The following EDIL3 variants were observed in gnomAD, a reference collection of about 807,000 sequenced individuals.
EDIL3 encodes the protein EGF-like repeat and discoidin I-like domain-containing protein 3.
Under a neutral mutation model 67.4 loss-of-function variants are expected in EDIL3, and 37 were observed. The ratio of observed to expected loss-of-function variants is 0.55; its 90% CI spans 0.42 to 0.72. EDIL3 has a LOEUF of 0.72. EDIL3 is among the 30% of genes least tolerant of loss of function. The probability of loss-of-function intolerance (pLI) is 0.00; values close to 1 mark genes in which losing one functional copy is unlikely to be tolerated. For missense variants in EDIL3, 527 were observed against 586.3 expected (o/e 0.90, Z 1.04); for synonymous variants, 195 against 196.3 (o/e 0.99, Z 0.05).
chr5:84,005,174 T>C (rs1745390801), intron 9 of EDIL3, among the ~76,000 whole-genome samples: 1 of 152,080 alleles, frequency 6.6e-6, no homozygotes, highest in South Asian at 2.1e-4. Flanking sequence ...AGTTTTGAAA[T>C]TGAATCAGTA....
intron 9 of EDIL3, among the ~76,000 whole-genome samples, chr5:84,037,574 T>C (rs958490254): frequency 6.6e-6 from 1 of 152,216 alleles, no homozygotes; most frequent in African/African-American, 2.4e-5. Context: ...GATTTCAGTA[T>C]ATTTTTTAAA....
At chr5:84,054,031 C>T (rs1746395243) in intron 9 of EDIL3, among the ~76,000 whole-genome samples, 2 of 152,078 alleles carry the variant, frequency 1.3e-5, no homozygotes, top group African/African-American at 4.8e-5. Context: ...ACCAATATCC[C>T]TGATGAACAT....
intron 3 of EDIL3, among the ~76,000 whole-genome samples, chr5:84,206,686 AG>A (rs1287205473): frequency 6.6e-6 from 1 of 152,116 alleles, no homozygotes; most frequent in Non-Finnish European, 1.5e-5. Flanking sequence ...CACATCAAAA[AG>A]TTTATCCACC....
At chr5:84,085,397 T>C (rs532836112) in intron 6 of EDIL3, among the ~76,000 whole-genome samples, 4 of 152,298 alleles carry the variant, frequency 2.6e-5, no homozygotes, top group African/African-American at 9.6e-5. Flanking sequence ...TTGTTGTTGT[T>C]GTTTTCTGTT....
intron 1 of EDIL3, among the ~76,000 whole-genome samples, chr5:84,336,255 C>G (rs558314336): frequency 1.1e-4 from 16 of 152,214 alleles, no homozygotes; most frequent in African/African-American, 2.2e-4. Flanking sequence ...TGCGTGTATT[C>G]AAGTCTACAT....
chr5:84,205,249 T>C (rs949475671), intron 3 of EDIL3, among the ~76,000 whole-genome samples: 3 of 152,068 alleles, frequency 2.0e-5, no homozygotes, highest in Admixed American at 1.3e-4. Context: ...AACATATATA[T>C]ATATACCTAT....
chr5:84,024,051 T>C lies in EDIL3; in HGVS notation c.1137+36249A>G, dbSNP rs113377224. 1.1e-3 allele frequency among the ~76,000 whole-genome samples: 161 copies of C among 152,254 alleles called. 1 individual carries two copies. The highest frequency in any genetic ancestry group is 3.7e-3 in the African/African-American group (154 of 41,568). ...GGACTGTAACTCAATTTCTAGGATT[T>C]AGAGATTATTTCAGCACAGATTAGC... On this transcript the variant is annotated intron_variant, in intron 9 of 10. Coordinates refer to ENST00000296591, the MANE Select transcript of EDIL3 (RefSeq NM_005711.5).
At chr5:84,257,381 G>A (rs1745140702) in intron 1 of EDIL3, among the ~76,000 whole-genome samples, 1 of 152,210 alleles carries the variant, frequency 6.6e-6, no homozygotes, top group Non-Finnish European at 1.5e-5. Context: ...TCTTCTCCTT[G>A]TAATTTTTGT....
intron 3 of EDIL3, among the ~76,000 whole-genome samples, chr5:84,200,534 T>C (rs1378626656): frequency 6.6e-6 from 1 of 152,068 alleles, no homozygotes; most frequent in Non-Finnish European, 1.5e-5. Flanking sequence ...ATTACATATC[T>C]TAAGTGATAA....
At position 83,963,366 on chromosome 5, in the gene EDIL3, A is replaced by G. The variant is rs1322029366; in HGVS notation, c.1138-6T>C. 18 of 1,590,024 alleles carry G rather than the reference A, an allele frequency of 1.1e-5. No homozygotes were observed. Among genetic ancestry groups the G allele is most frequent in the Middle Eastern group, 1.7e-4 (1 of 5,854 alleles). ...GTTGGAACAAGAAGATCCACCTTAA[A>G]AAAAAGAAAAATACAGGCTTTAAAT... On this transcript the variant is annotated splice_polypyrimidine_tract_variant and splice_region_variant and intron_variant, in intron 9 of 10. Transcript: ENST00000296591.
At chr5:84,030,685 A>G (rs538159577) in intron 9 of EDIL3, among the ~76,000 whole-genome samples, 5 of 152,264 alleles carry the variant, frequency 3.3e-5, no homozygotes, top group African/African-American at 1.2e-4. Flanking sequence ...TCTGAATTCT[A>G]TAATAGCAGA....
At chr5:84,358,424 T>C (rs963761028) in intron 1 of EDIL3, among the ~76,000 whole-genome samples, 1 of 152,076 alleles carries the variant, frequency 6.6e-6, no homozygotes, top group Non-Finnish European at 1.5e-5. Context: ...TGCCACGATA[T>C]ATTGAAGAAC....
Position 84,262,659 on chromosome 5 carries a change from G to GTTTTTTTTTTTTTTTTTTTTT in EDIL3, c.68-8468_68-8448dup, listed in dbSNP as rs773035274. On this transcript the variant is annotated intron_variant, in intron 1 of 10. Transcript: ENST00000296591. Reference sequence around the variant, plus strand: ...AAACTACAATTCCCAAGGTTGGTTGGTTTTTTTTTTTTTTTTTTTTTTTTT... The same window carrying GTTTTTTTTTTTTTTTTTTTTT: ...AAACTACAATTCCCAAGGTTGGTTGGTTTTTTTTTTTTTTTTTTTTTTTTTTTTTTTTTTTTTTTTTTTTTT... Among the ~76,000 whole-genome samples, 100 of 46,318 alleles carry GTTTTTTTTTTTTTTTTTTTTT rather than the reference G, an allele frequency of 2.2e-3. 29 individuals are homozygous for GTTTTTTTTTTTTTTTTTTTTT. The highest frequency in any genetic ancestry group is 3.7e-3 in the African/African-American group (42 of 11,474). The allele number at this position is 46,318 out of a possible 152,430, so 30.4% of individuals were successfully genotyped here.
rs143978596 is a variant in EDIL3, at chr5:84,122,207, G to A, written c.469+15034C>T. Among the ~76,000 whole-genome samples, 15 of 151,986 alleles carry A rather than the reference G, an allele frequency of 9.9e-5. No individual in the cohort carries two copies. The East Asian group carries it at 2.9e-3, about 29-fold the overall frequency. On this transcript the variant is annotated intron_variant, in intron 5 of 10. Transcript: ENST00000296591. Reference sequence around the variant, plus strand: ...GTTGATTCCCTTGTTTAGGTGGACTGTCCATAACTCTTTCCTGCTCCCCTT... The same window carrying A: ...GTTGATTCCCTTGTTTAGGTGGACTATCCATAACTCTTTCCTGCTCCCCTT...
chr5:84,207,058 G>A (rs1259654603), intron 3 of EDIL3, among the ~76,000 whole-genome samples: 3 of 152,126 alleles, frequency 2.0e-5, no homozygotes, highest in Non-Finnish European at 2.9e-5. Flanking sequence ...CAATTAGGCA[G>A]GAGAAGGAAA....
At chr5:83,981,622 C>CT (rs1561392863) in intron 9 of EDIL3, among the ~76,000 whole-genome samples, 2 of 151,862 alleles carry the variant, frequency 1.3e-5, no homozygotes, top group Non-Finnish European at 2.9e-5. Context: ...ACACTAAATC[C>CT]GTGAATGCAA....
intron 8 of EDIL3, among the ~76,000 whole-genome samples, chr5:84,064,493 A>T (rs1746598526): frequency 6.6e-6 from 1 of 152,176 alleles, no homozygotes. Flanking sequence ...TACTCTTTCT[A>T]CATTAATTCT....
At chr5:84,352,940 C>A (rs1747392528) in intron 1 of EDIL3, among the ~76,000 whole-genome samples, 1 of 152,058 alleles carries the variant, frequency 6.6e-6, no homozygotes, top group Non-Finnish European at 1.5e-5. Flanking sequence ...GATGGGTATA[C>A]AAACAGCATA....
intron 1 of EDIL3, among the ~76,000 whole-genome samples, chr5:84,269,800 T>A (rs1580046870): frequency 6.6e-6 from 1 of 152,186 alleles, no homozygotes; most frequent in East Asian, 1.9e-4. Context: ...TCAAGAGGCA[T>A]ATCAGTAGAC....
Sources: allele counts gnomAD v4.1 joint callset (sites outside exome capture counted in the v4.1 genomes callset), GRCh38; gene constraint gnomAD v4.1.1; transcripts MANE v1.5; gene names NCBI Gene and HGNC (gene_info 2026-07-23, HGNC 2026-07-21).